TRMT10B: variants seen among roughly 807,000 people sequenced by gnomAD.
The protein encoded by TRMT10B is tRNA methyltransferase 10 homolog B.
A neutral mutation model predicts 43.8 loss-of-function variants in TRMT10B; 33 were observed. The observed-to-expected ratio is 0.75, with a 90% CI of 0.57 to 1.01. The LOEUF is 1.01. TRMT10B is among the 50% of genes least tolerant of loss of function. TRMT10B has a pLI of 0.00. For missense variants in TRMT10B, 362 were observed against 369.8 expected (o/e 0.98, Z 0.17); for synonymous variants, 137 against 130.6 (o/e 1.05, Z -0.34).
At chr9:37,770,793 AG>A in intron 7 of TRMT10B, 54 bp downstream of exon 7, 1 of 1,578,324 alleles carries the variant, frequency 6.3e-7, no homozygotes, top group South Asian at 1.1e-5. Flanking sequence ...GCTTACTTTT[AG>A]AGGCATGTGC....
chr9:37,758,461 G>A (rs748926333), intron 1 of TRMT10B, among the ~76,000 whole-genome samples: 29 of 152,116 alleles, frequency 1.9e-4, no homozygotes, highest in Non-Finnish European at 3.4e-4. Context: ...AAAATACCAC[G>A]GGGATAGACA....
chr9:37,770,194 T>C (rs1422275119), intron 6 of TRMT10B, among the ~76,000 whole-genome samples, 175 bp downstream of exon 6: 1 of 152,216 alleles, frequency 6.6e-6, no homozygotes, highest in Non-Finnish European at 1.5e-5. Flanking sequence ...TGCTTCGATG[T>C]GTCTTACCAT....
At chr9:37,752,992 CTT>C (rs1436732680), upstream of TRMT10B, among the ~76,000 whole-genome samples, 2 of 152,144 alleles carry the variant, frequency 1.3e-5, no homozygotes, top group Admixed American at 1.3e-4. Flanking sequence ...TCCCTACTGT[CTT>C]TGTGAGCTAT....
chr9:37,772,818 C>G (rs1827730889), intron 7 of TRMT10B, among the ~76,000 whole-genome samples: 1 of 152,096 alleles, frequency 6.6e-6, no homozygotes, highest in Non-Finnish European at 1.5e-5. Flanking sequence ...GAACCTATCT[C>G]TACAAAACAA....
At chr9:37,757,125 C>T (rs1321799165) in intron 1 of TRMT10B, among the ~76,000 whole-genome samples, 1 of 152,014 alleles carries the variant, frequency 6.6e-6, no homozygotes, top group African/African-American at 2.4e-5. Flanking sequence ...GCTGTGTCAC[C>T]CAGGTTGAAG....
intron 3 of TRMT10B, 26 bp downstream of exon 3, chr9:37,762,711 T>A: frequency 6.5e-7 from 1 of 1,538,484 alleles, no homozygotes; most frequent in Non-Finnish European, 8.7e-7. Context: ...ACTGTTGGTA[T>A]AATAATATTT....
intron 7 of TRMT10B, among the ~76,000 whole-genome samples, chr9:37,773,972 A>AAC (rs1554679373): frequency 1.8e-4 from 27 of 148,326 alleles, no homozygotes; most frequent in Admixed American, 4.0e-4. Flanking sequence ...AAAAAAAAAA[A>AAC]AACAACAATA....
chr9:37,777,468 T>C (rs745931694), intron 8 of TRMT10B, 133 bp from the exon 9 acceptor site: 36 of 675,474 alleles, frequency 5.3e-5, no homozygotes, highest in Non-Finnish European at 8.2e-5. Context: ...TCCTTGCCTC[T>C]CCCCGCAAGA....
At chr9:37,764,305 C>G (rs909808251) in intron 4 of TRMT10B, among the ~76,000 whole-genome samples, 1 of 150,542 alleles carries the variant, frequency 6.6e-6, no homozygotes, top group African/African-American at 2.4e-5. Context: ...TCTGCCACCA[C>G]GCCTGACAAA....
chr9:37,761,681 A>G (rs1589015329), intron 1 of TRMT10B, among the ~76,000 whole-genome samples: 1 of 152,326 alleles, frequency 6.6e-6, no homozygotes, highest in East Asian at 1.9e-4. Context: ...CTGAGTAACG[A>G]GAGCAAAACC....
At chr9:37,773,557 C>T (rs571324891) in intron 7 of TRMT10B, among the ~76,000 whole-genome samples, 176 of 152,308 alleles carry the variant, frequency 1.2e-3, no homozygotes, top group African/African-American at 4.0e-3. Context: ...AAGTTAGGGT[C>T]GGGCGTGGTG....
chr9:37,762,256 C>T (rs1826429271), intron 2 of TRMT10B, 139 bp downstream of exon 2: 2 of 1,098,410 alleles, frequency 1.8e-6, no homozygotes, highest in Non-Finnish European at 2.5e-6. Context: ...TTTCTGCTAA[C>T]TGGTTTAAAG....
intron 5 of TRMT10B, among the ~76,000 whole-genome samples, chr9:37,769,308 TAAAAAAAAAAAAA>T (rs57651814): frequency 0.23 from 14,250 of 61,258 alleles, 1,228 homozygotes; most frequent in Middle Eastern, 0.39. Flanking sequence ...ACCCTGTCTT[TAAAAAAAAAAAAA>T]AAAAAAAAAA....
At chr9:37,765,203 C>T (rs949356688) in intron 4 of TRMT10B, among the ~76,000 whole-genome samples, 2 of 152,142 alleles carry the variant, frequency 1.3e-5, no homozygotes, top group Admixed American at 6.6e-5. Flanking sequence ...CCCATTAACT[C>T]GTCATTTAGC....
Position 37,758,412 on chromosome 9 carries a change from A to C in TRMT10B, c.-29-3491A>C, listed in dbSNP as rs188430101. On this transcript the variant is annotated intron_variant, in intron 1 of 8. Transcript: ENST00000297994. Reference sequence around the variant, plus strand: ...GGGCAACAGAGTGAGACCCTGTCTGAAAAAATAATAGTTTACAAATTTGGT... The same window carrying C: ...GGGCAACAGAGTGAGACCCTGTCTGCAAAAATAATAGTTTACAAATTTGGT... Among the ~76,000 whole-genome samples, 7 of 152,320 alleles carry C rather than the reference A, an allele frequency of 4.6e-5. No homozygotes were observed. The East Asian group carries it at 1.2e-3, about 25-fold the overall frequency.
intron 2 of TRMT10B, 80 bp downstream of exon 2, chr9:37,762,197 G>T: frequency 7.1e-7 from 1 of 1,403,430 alleles, no homozygotes; most frequent in East Asian, 2.4e-5. Flanking sequence ...ATGGATACTG[G>T]TAGTGAAAAG....
upstream of TRMT10B, among the ~76,000 whole-genome samples, chr9:37,753,547 A>C (rs1825197427): frequency 6.6e-6 from 1 of 152,054 alleles, no homozygotes; most frequent in Admixed American, 6.5e-5. Context: ...TTGACAACCA[A>C]CAGAGCACCT....
chr9:37,772,155 G>A (rs543295141), intron 7 of TRMT10B, among the ~76,000 whole-genome samples: 27 of 152,272 alleles, frequency 1.8e-4, no homozygotes, highest in African/African-American at 5.8e-4. Flanking sequence ...GAGACTACAA[G>A]TGTGTGCCAC....
At chr9:37,774,434 T>C (rs974570911) in intron 7 of TRMT10B, among the ~76,000 whole-genome samples, 1 of 152,246 alleles carries the variant, frequency 6.6e-6, no homozygotes, top group Non-Finnish European at 1.5e-5. Context: ...TTGTGAGATG[T>C]TTAGAACTTT....
Sources: gnomAD v4.1 joint callset for allele counts (sites outside exome capture counted in the v4.1 genomes callset) on GRCh38, gnomAD v4.1.1 for gene constraint, MANE v1.5 for transcripts, NCBI Gene and HGNC (gene_info 2026-07-23, HGNC 2026-07-21) for gene names.